Variants in ARHGAP39 observed in about 807,000 individuals in gnomAD.
ARHGAP39 encodes Rho GTPase activating protein 39.
ARHGAP39 carries 44 observed loss-of-function variants against 106.9 expected under a neutral mutation model. That is an observed-to-expected ratio of 0.41 (90% CI 0.32 to 0.53). The LOEUF is 0.53. ARHGAP39 is among the 20% of genes least tolerant of loss of function. The pLI is 0.21. For missense variants in ARHGAP39, 1,496 were observed against 1,577.3 expected, an observed-to-expected ratio of 0.95 and a Z score of 0.87; for synonymous variants, 768 against 693.2, an observed-to-expected ratio of 1.11 and a Z score of -1.69.
chr8:144,598,553 C>T (rs1819719488), intron 2 of ARHGAP39, among the ~76,000 whole-genome samples: 1 of 152,244 alleles, frequency 6.6e-6, no homozygotes, highest in Admixed American at 6.5e-5. Context: ...TCACAGAGCA[C>T]AGGCAGCCTC....
chr8:144,637,729 C>G (rs996828633), intron 1 of ARHGAP39, among the ~76,000 whole-genome samples: 4 of 152,018 alleles, frequency 2.6e-5, no homozygotes, highest in African/African-American at 9.7e-5. Context: ...TTTAGACGGT[C>G]TTGCTCGGTT....
chr8:144,572,724 C>T (rs963089305), intron 3 of ARHGAP39, among the ~76,000 whole-genome samples: 6 of 152,120 alleles, frequency 3.9e-5, no homozygotes, highest in Admixed American at 3.9e-4. Flanking sequence ...TTGCAATCTA[C>T]CCATCTGACA....
chr8:144,685,884 C>A (rs1429571328), upstream of ARHGAP39, among the ~76,000 whole-genome samples: 1 of 149,466 alleles, frequency 6.7e-6, no homozygotes, highest in Non-Finnish European at 1.5e-5. Context: ...GCGCAACCCC[C>A]CGCCTCCGGC....
chr8:144,549,814 T>C (rs1423423216), intron 4 of ARHGAP39, among the ~76,000 whole-genome samples: 1 of 152,242 alleles, frequency 6.6e-6, no homozygotes, highest in African/African-American at 2.4e-5. Flanking sequence ...TCATGCTGTG[T>C]TCTGCAGTTC....
chr8:144,643,049 C>G (rs1182284940), intron 1 of ARHGAP39, among the ~76,000 whole-genome samples: 1 of 152,160 alleles, frequency 6.6e-6, no homozygotes, highest in Non-Finnish European at 1.5e-5. Flanking sequence ...AGAAAATTAA[C>G]ACCAAGGTCT....
chr8:144,600,788 CGT>C (rs1022205112), intron 2 of ARHGAP39, among the ~76,000 whole-genome samples: 2 of 143,144 alleles, frequency 1.4e-5, no homozygotes, highest in African/African-American at 2.6e-5. Flanking sequence ...GAGGCATGCG[CGT>C]GAGCTCATCT....
rs945414096 is a variant in ARHGAP39, at chr8:144,670,947, T to C, written c.-82+14739A>G. The stretch of plus-strand genomic sequence containing the variant: ...AAGGCACGACCACCTAATCCAGCTC[T>C]GATGACGCTGCCTGGTGCTGCTCCC... On this transcript the variant is annotated intron_variant, in intron 1 of 11. Coordinates refer to ENST00000377307, the MANE Select transcript of ARHGAP39 (RefSeq NM_025251.3). The surrounding 1 kb of genome is among the most constrained non-coding windows in gnomAD (Gnocchi z 4.4). Among the ~76,000 whole-genome samples the C allele has an allele frequency of 9.2e-5, 14 of 152,216 alleles. No individual in the cohort carries two copies. The highest frequency in any genetic ancestry group is 3.4e-4 in the African/African-American group (14 of 41,460).
intron 1 of ARHGAP39, among the ~76,000 whole-genome samples, chr8:144,617,585 CAAA>C (rs869298361): frequency 1.5e-5 from 1 of 68,588 alleles, no homozygotes; most frequent in Admixed American, 1.5e-4. Context: ...ACTGAAAAGA[CAAA>C]AAAAAAAAAA....
intron 3 of ARHGAP39, among the ~76,000 whole-genome samples, chr8:144,577,322 G>C (rs1395862358): frequency 6.6e-6 from 1 of 151,540 alleles, no homozygotes; most frequent in Non-Finnish European, 1.5e-5. Flanking sequence ...CACACTGACA[G>C]ATAGACTGAA....
chr8:144,575,074 G>A (rs1818723310), intron 3 of ARHGAP39, among the ~76,000 whole-genome samples: 1 of 152,190 alleles, frequency 6.6e-6, no homozygotes, highest in Non-Finnish European at 1.5e-5. Context: ...GTATTTGTGT[G>A]CCTAAACATA....
chr8:144,602,256 A>AGCTCATGTACCTGTGTGTGTGC (rs1563700513), intron 2 of ARHGAP39, among the ~76,000 whole-genome samples: 1 of 84,092 alleles, frequency 1.2e-5, no homozygotes, highest in Non-Finnish European at 2.3e-5. Flanking sequence ...TGTGTGTGTG[A>AGCTCATGTACCTGTGTGTGTGC]GCTCATGTAC....
intron 3 of ARHGAP39, among the ~76,000 whole-genome samples, chr8:144,568,447 A>G (rs1203526185): frequency 2.0e-5 from 3 of 152,014 alleles, no homozygotes; most frequent in Admixed American, 2.0e-4. Context: ...AAGTCCTTGA[A>G]GCAGAAAGAA....
rs1820213087 is a variant in ARHGAP39, at chr8:144,604,594, G to A, written c.80+941C>T. On this transcript the variant is annotated intron_variant, in intron 2 of 11. Coordinates refer to ENST00000377307, the MANE Select transcript of ARHGAP39 (RefSeq NM_025251.3). The surrounding 1 kb of genome is among the most constrained non-coding windows in gnomAD (Gnocchi z 4.1). ...GGTCTCGCTAGGTTGCCCAGGCTGG[G>A]ATGATCTGTTTTAAATAGGGTGACT... Among the ~76,000 whole-genome samples the A allele has an allele frequency of 6.6e-6, 1 of 152,044 alleles. No individual in the cohort carries two copies. Among genetic ancestry groups the A allele is most frequent in the Non-Finnish European group, 1.5e-5 (1 of 68,008 alleles).
chr8:144,634,165 C>T (rs1586628778), intron 1 of ARHGAP39, among the ~76,000 whole-genome samples: 1 of 151,514 alleles, frequency 6.6e-6, no homozygotes, highest in Admixed American at 6.6e-5. Flanking sequence ...CCTCTGCAGG[C>T]GCAGTCTCCA....
At chr8:144,690,115 ATTT>A (rs1227324077), upstream of ARHGAP39, among the ~76,000 whole-genome samples, 4 of 148,352 alleles carry the variant, frequency 2.7e-5, no homozygotes, top group Admixed American at 2.7e-4. Context: ...TTATTTATTT[ATTT>A]TTAAGATGGA....
At chr8:144,629,814 T>C (rs1821017705) in intron 1 of ARHGAP39, among the ~76,000 whole-genome samples, 1 of 151,650 alleles carries the variant, frequency 6.6e-6, no homozygotes, top group African/African-American at 2.4e-5. Context: ...TAAGCTGCAA[T>C]AGTGTTGGTG....
the ARHGAP39 span, among the ~76,000 whole-genome samples, chr8:144,694,660 C>T: frequency 1.6e-4 from 25 of 152,222 alleles, no homozygotes; most frequent in Admixed American, 5.9e-4. Flanking sequence ...CTTTAACGAT[C>T]TTCATGCTGG....
At chr8:144,532,982 TG>T in intron 9 of ARHGAP39, 143 bp downstream of exon 9, 2 of 1,020,374 alleles carry the variant, frequency 2.0e-6, no homozygotes, top group Non-Finnish European at 2.8e-6. Context: ...TTCCACACTG[TG>T]GCCCCACCCT....
intron 2 of ARHGAP39, among the ~76,000 whole-genome samples, chr8:144,602,750 G>A (rs573118267): frequency 4.1e-4 from 59 of 145,258 alleles, no homozygotes; most frequent in Middle Eastern, 3.8e-3. Flanking sequence ...GGAGGCGTGT[G>A]TGTGAGCTCG....
Sources: allele counts gnomAD v4.1 joint callset (sites outside exome capture counted in the v4.1 genomes callset), GRCh38; gene constraint gnomAD v4.1.1; non-coding constraint Gnocchi (gnomAD v3.1); transcripts MANE v1.5; gene names NCBI Gene and HGNC (gene_info 2026-07-23, HGNC 2026-07-21).